The following CD200R1 variants were observed in gnomAD, a reference collection of about 807,000 sequenced individuals.
CD200R1 encodes the protein cell surface glycoprotein CD200 receptor 1.
In CD200R1, 30 loss-of-function variants were observed where a neutral mutation model predicts 38.1. The observed-to-expected ratio is 0.79, with a 90% CI of 0.59 to 1.07. The LOEUF (loss-of-function observed/expected upper bound fraction) is 1.07. Among genes scored for constraint, CD200R1 ranks in the 50% least tolerant of loss-of-function variants. The probability of loss-of-function intolerance (pLI) is 0.00; values close to 1 mark genes in which losing one functional copy is unlikely to be tolerated. For missense variants in CD200R1, 372 were observed against 415.4 expected (o/e 0.90, Z 0.91); for synonymous variants, 128 against 152.1 (o/e 0.84, Z 1.16).
intron 1 of CD200R1, among the ~76,000 whole-genome samples, chr3:112,971,182 T>C (rs147846687): frequency 6.6e-6 from 1 of 152,192 alleles, no homozygotes; most frequent in Non-Finnish European, 1.5e-5. Context: ...ATATAACCTA[T>C]GTACAATCTC....
At chr3:112,935,274 G>A (rs1940548572) in intron 2 of CD200R1, among the ~76,000 whole-genome samples, 1 of 152,100 alleles carries the variant, frequency 6.6e-6, no homozygotes, top group Admixed American at 6.5e-5. Context: ...TTATATAACA[G>A]CTGCAAAATA....
intron 5 of CD200R1, among the ~76,000 whole-genome samples, chr3:112,926,450 GCTCT>G (rs1193874431): frequency 6.6e-6 from 1 of 152,178 alleles, no homozygotes; most frequent in African/African-American, 2.4e-5. Context: ...AAACTACTAA[GCTCT>G]CTCTCATTAA....
intron 2 of CD200R1, among the ~76,000 whole-genome samples, chr3:112,935,820 G>C (rs1415285163): frequency 6.6e-6 from 1 of 152,106 alleles, no homozygotes; most frequent in Non-Finnish European, 1.5e-5. Flanking sequence ...AACTTCAGGG[G>C]TATATAGGTA....
At chr3:112,924,369 A>G in intron 7 of CD200R1, 121 bp downstream of exon 7, 1 of 633,530 alleles carries the variant, frequency 1.6e-6, no homozygotes, top group Non-Finnish European at 2.2e-6. Context: ...AAGCACTGCA[A>G]GTCAGAACTG....
chr3:112,948,611 C>A (rs116465403), intron 1 of CD200R1, among the ~76,000 whole-genome samples: 2 of 152,130 alleles, frequency 1.3e-5, no homozygotes, highest in Non-Finnish European at 2.9e-5. Context: ...GGAGCTCAGG[C>A]CGCAATTCTC....
At chr3:112,944,678 A>T (rs1293267070) in intron 2 of CD200R1, among the ~76,000 whole-genome samples, 1 of 152,074 alleles carries the variant, frequency 6.6e-6, no homozygotes, top group East Asian at 1.9e-4. Context: ...AGGGATCAAG[A>T]TCAGTAACGA....
At chr3:112,955,553 G>C (rs1395973073) in intron 1 of CD200R1, among the ~76,000 whole-genome samples, 1 of 148,446 alleles carries the variant, frequency 6.7e-6, no homozygotes, top group Non-Finnish European at 1.5e-5. Context: ...CTGTCACCCA[G>C]GCTGGAGTGC....
chr3:112,945,525 C>A (rs1940829003), intron 2 of CD200R1, among the ~76,000 whole-genome samples: 1 of 152,152 alleles, frequency 6.6e-6, no homozygotes. Flanking sequence ...AATCTAGATA[C>A]AGACCTCACA....
chr3:112,941,301 A>T (rs1940723447), intron 2 of CD200R1, among the ~76,000 whole-genome samples: 1 of 151,760 alleles, frequency 6.6e-6, no homozygotes, highest in African/African-American at 2.4e-5. Flanking sequence ...CTAGAAGAAG[A>T]TATTGAATGT....
At chr3:112,961,325 T>C (rs777425891) in intron 1 of CD200R1, among the ~76,000 whole-genome samples, 6 of 151,946 alleles carry the variant, frequency 3.9e-5, no homozygotes, top group Non-Finnish European at 7.4e-5. Flanking sequence ...TAGCTAGCCA[T>C]GTGGGAAAAT....
intron 2 of CD200R1, among the ~76,000 whole-genome samples, chr3:112,931,493 C>T (rs1377372981): frequency 6.6e-6 from 1 of 152,182 alleles, no homozygotes; most frequent in Admixed American, 6.5e-5. Context: ...ACGTGAGCAT[C>T]TCACATGAGC....
intron 2 of CD200R1, 92 bp from the exon 3 acceptor site, chr3:112,931,263 T>TTGAC (rs1940429864): frequency 1.4e-6 from 1 of 736,612 alleles, no homozygotes; most frequent in Admixed American, 2.1e-5. Context: ...TCCAACATGA[T>TTGAC]AGGCAATCAG....
chr3:112,974,936 A>C lies in CD200R1; in HGVS notation c.-79T>G. 1 of 1,153,230 alleles carries C rather than the reference A, an allele frequency of 8.7e-7. No individual in the cohort carries two copies. The highest frequency in any genetic ancestry group is 2.4e-5 in the East Asian group (1 of 41,106). 71.4% of individuals were successfully genotyped at this position (1,153,230 alleles called of 1,614,324 possible). A position where few individuals can be genotyped will look rare whatever the true frequency, so the allele number is the denominator to read the frequency against. On this transcript the variant is annotated 5_prime_UTR_variant, in exon 1 of 8. Coordinates refer to ENST00000308611, the MANE Select transcript of CD200R1 (RefSeq NM_138806.4). ...CAGAAGGAACTGTGCGCATGGTGAG[A>C]CCCTCTCTGGTCAACTTCTCAGTAC...
chr3:112,934,665 A>C (rs994037296), intron 2 of CD200R1, among the ~76,000 whole-genome samples: 1 of 152,082 alleles, frequency 6.6e-6, no homozygotes, highest in African/African-American at 2.4e-5. Flanking sequence ...CCCCATCCCT[A>C]CTAAAAATAC....
In CD200R1 at chr3:112,921,816, A is replaced by G. The variant is rs951611221; in HGVS notation, c.*1861T>C. 5 of 152,206 alleles carry G rather than the reference A, an allele frequency of 3.3e-5. No homozygotes were observed. The highest frequency in any genetic ancestry group is 9.6e-5 in the African/African-American group (4 of 41,566). The allele number at this position is 152,206 out of a possible 1,614,324, so 9.4% of individuals were successfully genotyped here. On this transcript the variant is annotated 3_prime_UTR_variant, in exon 8 of 8. Coordinates refer to ENST00000308611, the MANE Select transcript of CD200R1 (RefSeq NM_138806.4). The stretch of plus-strand genomic sequence containing the variant: ...TATAAATTATCTTGAAGTCTTTTCT[A>G]TGATGTCATTTAACATGCCTGTTTT...
intron 5 of CD200R1, 144 bp downstream of exon 5, chr3:112,928,672 T>A (rs1347408043): frequency 1.5e-6 from 1 of 647,898 alleles, no homozygotes; most frequent in Non-Finnish European, 2.6e-6. Context: ...CCTCAACTCA[T>A]CTCTTTATTT....
At chr3:112,939,696 G>A (rs2107316278) in intron 2 of CD200R1, among the ~76,000 whole-genome samples, 1 of 151,704 alleles carries the variant, frequency 6.6e-6, no homozygotes, top group East Asian at 1.9e-4. Flanking sequence ...AACTAATATT[G>A]TTAAAATGCC....
Position 112,929,053 on chromosome 3 carries a change from C to T in CD200R1, c.532G>A (p.Val178Met), listed in dbSNP as rs1264245334. The T allele has an allele frequency of 6.2e-7, 1 of 1,613,868 alleles. No homozygotes were observed. The highest frequency in any genetic ancestry group is 2.2e-5 in the East Asian group (1 of 44,872). ...YHLQVLVTPE[V>M]TLFQNRNRTA... ...CTATTCCTGTTTTGAAACAGGGTCA[C>T]TTCAGGTGTAACTGCAGAGAGGAAA... Residue 178 changes from valine to methionine, a missense_variant, in exon 5 of 8, where the codon GTG becomes ATG. Val to Met is a conservative substitution (Grantham distance 21). Transcript: ENST00000308611.
chr3:112,947,882 T>A lies in CD200R1; in HGVS notation c.110A>T (p.Gln37Leu). 2 of 1,613,176 alleles carry A rather than the reference T, an allele frequency of 1.2e-6. No individual in the cohort carries two copies. Reference protein sequence around the residue: ...AAQPNNSLMLQTSKENHALAS... With the variant: ...AAQPNNSLMLLTSKENHALAS... ...TAAAGCATGATTCTCCTTGCTAGTTTGCAGCATTAATGAGTTGTTTGGTTG... is the reference window on the plus strand; with the variant it reads ...TAAAGCATGATTCTCCTTGCTAGTTAGCAGCATTAATGAGTTGTTTGGTTG... The change falls in exon 2 of 8, where the codon CAA (glutamine) becomes CTA (leucine). Residue 37 changes from glutamine (Q) to leucine (L), a missense_variant. By Grantham distance (113) the Gln-to-Leu change is moderately radical. Coordinates refer to ENST00000308611, the MANE Select transcript of CD200R1 (RefSeq NM_138806.4).
Sources: allele counts gnomAD v4.1 joint callset (sites outside exome capture counted in the v4.1 genomes callset), GRCh38; gene constraint gnomAD v4.1.1; transcripts MANE v1.5; gene names NCBI Gene and HGNC (gene_info 2026-07-23, HGNC 2026-07-21).